The following LYN variants were observed in gnomAD, a reference collection of about 807,000 sequenced individuals.
LYN encodes LYN proto-oncogene, Src family tyrosine kinase.
In LYN, 12 loss-of-function variants were observed where a neutral mutation model predicts 65.0. The observed-to-expected ratio is 0.18, with a 90% confidence interval of 0.12 to 0.30. LYN has a LOEUF of 0.30. Ranked by LOEUF, LYN falls within the 10% of genes least tolerant of loss-of-function variation. The pLI, the probability that LYN is intolerant of heterozygous loss-of-function variation, is 1.00. For synonymous variants in LYN, 222 were observed against 221.2 expected (o/e 1.00, Z -0.03); for missense variants, 380 against 623.2 (o/e 0.61, Z 4.16).
At chr8:55,921,289 A>G (rs1017186911) in intron 1 of LYN, among the ~76,000 whole-genome samples, 5 of 152,210 alleles carry the variant, frequency 3.3e-5, no homozygotes, top group Middle Eastern at 3.2e-3. Context: ...CTTGGTAACC[A>G]GGTGGCCCAC....
chr8:55,903,183 G>T (rs1805323371), intron 1 of LYN, among the ~76,000 whole-genome samples: 1 of 152,022 alleles, frequency 6.6e-6, no homozygotes. Flanking sequence ...GGTAGAGACG[G>T]GATTTCACCA....
chr8:55,888,231 T>G (rs1804858022), intron 1 of LYN, among the ~76,000 whole-genome samples: 1 of 151,930 alleles, frequency 6.6e-6, no homozygotes, highest in Non-Finnish European at 1.5e-5. Context: ...CTGAAGGGAG[T>G]GGGCCACACA....
At chr8:55,934,233 A>AG (rs1806357542) in intron 1 of LYN, among the ~76,000 whole-genome samples, 1 of 152,216 alleles carries the variant, frequency 6.6e-6, no homozygotes, top group Non-Finnish European at 1.5e-5. Flanking sequence ...TCAAAAAAAA[A>AG]GAAGGAGCTT....
chr8:55,902,334 T>TCTTTC (rs375257874), intron 1 of LYN, among the ~76,000 whole-genome samples: 27,240 of 148,838 alleles, frequency 0.18, 2,668 homozygotes, highest in Middle Eastern at 0.33. Context: ...TTTCTTTCTT[T>TCTTTC]TTTTTTTTTT....
intron 1 of LYN, among the ~76,000 whole-genome samples, chr8:55,917,268 C>T (rs940513115): frequency 6.6e-6 from 1 of 152,090 alleles, no homozygotes; most frequent in African/African-American, 2.4e-5. Context: ...TCACTGCAGC[C>T]TTGAACTCCT....
At chr8:55,882,011 C>G (rs944919918) in intron 1 of LYN, among the ~76,000 whole-genome samples, 2 of 152,234 alleles carry the variant, frequency 1.3e-5, no homozygotes, top group African/African-American at 4.8e-5. Context: ...AGCCTACTGG[C>G]CCTTTCTGTT....
intron 9 of LYN, 132 bp from the exon 10 acceptor site, chr8:55,969,585 A>T: frequency 1.4e-6 from 1 of 727,722 alleles, no homozygotes; most frequent in Non-Finnish European, 2.5e-6. Context: ...AAGGCTTTAT[A>T]TAACCATACA....
chr8:55,947,529 G>A, intron 3 of LYN, 89 bp from the exon 4 acceptor site: 1 of 913,180 alleles, frequency 1.1e-6, no homozygotes, highest in Non-Finnish European at 1.8e-6. Flanking sequence ...CCCTCTTAGT[G>A]CTTCCTCTCA....
intron 1 of LYN, among the ~76,000 whole-genome samples, chr8:55,898,894 G>A (rs1214554782): frequency 6.6e-6 from 1 of 152,038 alleles, no homozygotes; most frequent in Non-Finnish European, 1.5e-5. Context: ...GCACAATCAC[G>A]ATCACTGTAG....
chr8:55,998,609 T>C lies in LYN; in HGVS notation c.1204+110T>C. The C allele has an allele frequency of 6.1e-6, 6 of 979,350 alleles. No homozygotes were observed. The South Asian group carries it at 9.1e-5, about 15-fold the overall frequency. 60.7% of individuals were successfully genotyped at this position (979,350 alleles called of 1,614,324 possible). On this transcript the variant is annotated intron_variant, in intron 11 of 12. Transcript: ENST00000519728. ...TCACCATTAAGAAAAACTTATTTGG[T>C]ACAACATTTAAGCTGTACCATAATT...
intron 10 of LYN, among the ~76,000 whole-genome samples, chr8:55,996,504 A>G (rs1420752768): frequency 6.6e-6 from 1 of 152,162 alleles, no homozygotes; most frequent in African/African-American, 2.4e-5. Flanking sequence ...CTAACTGCTT[A>G]CCAGATAAAC....
chr8:55,972,620 G>T (rs1436384893), intron 10 of LYN, among the ~76,000 whole-genome samples: 1 of 152,098 alleles, frequency 6.6e-6, no homozygotes, highest in Non-Finnish European at 1.5e-5. Context: ...TGATCTGTCT[G>T]TGCCAAGAAG....
At chr8:55,909,040 CACACACACA>C (rs1563504931) in intron 1 of LYN, among the ~76,000 whole-genome samples, 9 of 91,428 alleles carry the variant, frequency 9.8e-5, no homozygotes, top group East Asian at 7.2e-4. Flanking sequence ...CACACACACA[CACACACACA>C]CACCCCACAT....
chr8:55,936,801 A>G (rs966247814), intron 1 of LYN, among the ~76,000 whole-genome samples: 5 of 152,244 alleles, frequency 3.3e-5, no homozygotes, highest in Admixed American at 1.3e-4. Context: ...GAAATAATAC[A>G]TTAAAAATAA....
intron 8 of LYN, among the ~76,000 whole-genome samples, chr8:55,957,250 C>T (rs1807144320): frequency 1.3e-5 from 2 of 152,164 alleles, no homozygotes; most frequent in Admixed American, 1.3e-4. Flanking sequence ...AGTCTGACTC[C>T]GTGTGCCCTA....
intron 10 of LYN, among the ~76,000 whole-genome samples, chr8:55,995,975 A>ATT (rs1436512096): frequency 6.6e-6 from 1 of 152,220 alleles, no homozygotes; most frequent in Non-Finnish European, 1.5e-5. Flanking sequence ...ACAAGATAGT[A>ATT]TTCTGGTCAT....
intron 1 of LYN, among the ~76,000 whole-genome samples, chr8:55,905,273 G>T (rs58841833): frequency 6.6e-6 from 1 of 152,170 alleles, no homozygotes; most frequent in African/African-American, 2.4e-5. Flanking sequence ...TTAGCCAGGC[G>T]TGGTGGCAGG....
intron 1 of LYN, among the ~76,000 whole-genome samples, chr8:55,894,597 A>C (rs886331807): frequency 1.4e-5 from 2 of 147,198 alleles, no homozygotes; most frequent in Admixed American, 6.8e-5. Context: ...CATTGGCGCT[A>C]TCTTGGCTCA....
intron 10 of LYN, among the ~76,000 whole-genome samples, chr8:55,985,905 G>A (rs1808060466): frequency 6.6e-6 from 1 of 152,158 alleles, no homozygotes; most frequent in African/African-American, 2.4e-5. Flanking sequence ...AGTGGCTCAT[G>A]TCTGTAATCC....
Sources: allele counts gnomAD v4.1 joint callset (sites outside exome capture counted in the v4.1 genomes callset), GRCh38; gene constraint gnomAD v4.1.1; transcripts MANE v1.5; gene names NCBI Gene and HGNC (gene_info 2026-07-23, HGNC 2026-07-21).